ADGRL3: variants seen among roughly 807,000 people sequenced by gnomAD.
ADGRL3 encodes calcium-independent alpha-latrotoxin receptor 3.
ADGRL3 carries 62 observed loss-of-function variants against 153.5 expected under a neutral mutation model. That is an observed-to-expected ratio of 0.40 (90% CI 0.33 to 0.50). ADGRL3 has a LOEUF of 0.50. Ranked by LOEUF, ADGRL3 falls within the 20% of genes least tolerant of loss-of-function variation. The probability of loss-of-function intolerance (pLI) is 0.47; values close to 1 mark genes in which losing one functional copy is unlikely to be tolerated. For synonymous variants in ADGRL3, 710 were observed against 672.5 expected, an observed-to-expected ratio of 1.06 and a Z score of -0.86; for missense variants, 1,641 against 1,859.4, an observed-to-expected ratio of 0.88 and a Z score of 2.16.
chr4:61,759,485 C>T (rs541266775), intron 8 of ADGRL3, among the ~76,000 whole-genome samples: 22 of 152,278 alleles, frequency 1.4e-4, no homozygotes, highest in East Asian at 5.8e-4. Flanking sequence ...CTTGTGCATT[C>T]GTCACATAGT....
chr4:61,356,280 G>T (rs1337417804), intron 1 of ADGRL3, among the ~76,000 whole-genome samples: 5 of 151,956 alleles, frequency 3.3e-5, no homozygotes. Flanking sequence ...GTACATTTAA[G>T]CCTTAAGAAA....
intron 24 of ADGRL3, among the ~76,000 whole-genome samples, chr4:62,043,117 G>T (rs994549844): frequency 1.3e-5 from 2 of 151,894 alleles, no homozygotes; most frequent in Admixed American, 6.6e-5. Context: ...CAGTCATTTT[G>T]GTTGATCATA....
chr4:61,897,817 C>A (rs2098640535), intron 11 of ADGRL3, among the ~76,000 whole-genome samples: 1 of 152,046 alleles, frequency 6.6e-6, no homozygotes, highest in African/African-American at 2.4e-5. Context: ...ACAGATGGAA[C>A]ACTTGAGGAG....
Position 61,460,478 on chromosome 4 carries a change from T to C in ADGRL3, c.-173-36643T>C, listed in dbSNP as rs1268360391. On this transcript the variant is annotated intron_variant, in intron 2 of 26. Coordinates refer to ENST00000683033, the MANE Select transcript of ADGRL3 (RefSeq NM_001387552.1). The stretch of plus-strand genomic sequence containing the variant: ...GACAAATATCACATTTTCACTGACA[T>C]GTGGAAAGGTTGATTTCATGGAGGT... Among the ~76,000 whole-genome samples the C allele has an allele frequency of 2.0e-5, 3 of 151,694 alleles. No individual in the cohort carries two copies. The East Asian group carries it at 5.8e-4, about 29-fold the overall frequency.
chr4:61,464,494 T>C (rs1415876188), intron 2 of ADGRL3, among the ~76,000 whole-genome samples: 1 of 152,186 alleles, frequency 6.6e-6, no homozygotes. Context: ...TATATGATAT[T>C]TTGAAATATT....
intron 24 of ADGRL3, among the ~76,000 whole-genome samples, chr4:62,038,059 AAGT>A (rs1447268052): frequency 6.6e-6 from 1 of 152,194 alleles, no homozygotes; most frequent in Non-Finnish European, 1.5e-5. Context: ...TGCAAATTTG[AAGT>A]TTGCATAATA....
At chr4:61,715,329 G>A (rs560707872) in intron 6 of ADGRL3, among the ~76,000 whole-genome samples, 5 of 152,218 alleles carry the variant, frequency 3.3e-5, no homozygotes, top group African/African-American at 4.8e-5. Flanking sequence ...GGCTGAAAAC[G>A]TCATGGTGAA....
intron 12 of ADGRL3, among the ~76,000 whole-genome samples, chr4:61,910,611 G>C (rs2098717675): frequency 6.6e-6 from 1 of 151,756 alleles, no homozygotes; most frequent in African/African-American, 2.4e-5. Flanking sequence ...GTGTAGTAGA[G>C]ATGTTCAATG....
chr4:61,581,270 G>C (rs1160327194), intron 4 of ADGRL3, among the ~76,000 whole-genome samples: 1 of 151,960 alleles, frequency 6.6e-6, no homozygotes, highest in Non-Finnish European at 1.5e-5. Context: ...GGGAAGAGCT[G>C]TTACTAGTAA....
chr4:62,035,133 A>G (rs192606154), intron 23 of ADGRL3, among the ~76,000 whole-genome samples: 29 of 152,054 alleles, frequency 1.9e-4, no homozygotes, highest in Admixed American at 4.6e-4. Flanking sequence ...TTTAAGACAT[A>G]TGCTTACCAT....
intron 11 of ADGRL3, among the ~76,000 whole-genome samples, chr4:61,896,201 A>C (rs1055913742): frequency 3.3e-5 from 5 of 152,202 alleles, no homozygotes; most frequent in African/African-American, 1.2e-4. Context: ...TACCTTTGGA[A>C]TCTTAAGCCA....
At chr4:61,576,972 G>A (rs2098888911) in intron 4 of ADGRL3, among the ~76,000 whole-genome samples, 1 of 151,894 alleles carries the variant, frequency 6.6e-6, no homozygotes, top group Admixed American at 6.6e-5. Context: ...AAATATTGTT[G>A]TACATGTTTT....
chr4:61,875,027 C>G (rs1456210319), intron 9 of ADGRL3, among the ~76,000 whole-genome samples: 5 of 151,264 alleles, frequency 3.3e-5, no homozygotes, highest in African/African-American at 1.2e-4. Flanking sequence ...TCAGGATGGT[C>G]TCGATCTCCT....
chr4:61,977,362 A>G (rs965840811), intron 17 of ADGRL3, among the ~76,000 whole-genome samples: 23 of 152,222 alleles, frequency 1.5e-4, no homozygotes, highest in African/African-American at 4.6e-4. Flanking sequence ...GAGTCAAAGA[A>G]GAGAGCAAAT....
At chr4:62,051,638 TTTA>T (rs568457741) in intron 25 of ADGRL3, among the ~76,000 whole-genome samples, 7 of 151,874 alleles carry the variant, frequency 4.6e-5, no homozygotes, top group African/African-American at 1.2e-4. Flanking sequence ...ACAGTTTGTA[TTTA>T]TTATTATTGT....
At chr4:61,756,178 G>A (rs2152110757) in intron 8 of ADGRL3, among the ~76,000 whole-genome samples, 1 of 152,220 alleles carries the variant, frequency 6.6e-6, no homozygotes, top group Admixed American at 6.5e-5. Flanking sequence ...AGATTGATGG[G>A]GATGGCGTTG....
intron 5 of ADGRL3, among the ~76,000 whole-genome samples, chr4:61,663,499 T>G (rs959249330): frequency 6.6e-6 from 1 of 152,172 alleles, no homozygotes; most frequent in East Asian, 1.9e-4. Flanking sequence ...GATGGACCCT[T>G]TGCTCACTTG....
At chr4:61,915,074 A>G (rs1283195141) in intron 13 of ADGRL3, among the ~76,000 whole-genome samples, 1 of 151,992 alleles carries the variant, frequency 6.6e-6, no homozygotes, top group East Asian at 1.9e-4. Context: ...TTGTGAAAAT[A>G]TTATTTAAAA....
intron 9 of ADGRL3, among the ~76,000 whole-genome samples, chr4:61,860,503 C>G (rs1401909206): frequency 6.6e-6 from 1 of 152,008 alleles, no homozygotes; most frequent in Non-Finnish European, 1.5e-5. Context: ...ATCCTTTTAT[C>G]TCTCTGGATC....
Sources: allele counts gnomAD v4.1 joint callset (sites outside exome capture counted in the v4.1 genomes callset), GRCh38; gene constraint gnomAD v4.1.1; transcripts MANE v1.5; gene names NCBI Gene and HGNC (gene_info 2026-07-23, HGNC 2026-07-21).